The following ANKRD34B variants were observed in gnomAD, a reference collection of about 807,000 sequenced individuals.
The protein encoded by ANKRD34B is ankyrin repeat domain-containing protein 34B.
A neutral mutation model predicts 4.4 loss-of-function variants in ANKRD34B; 2 were observed. That is an observed-to-expected ratio of 0.46 (90% CI 0.19 to 1.44). The LOEUF (loss-of-function observed/expected upper bound fraction) is 1.44, where lower values mean the gene tolerates loss of function less well. Among genes scored for constraint, ANKRD34B ranks in the 40% most tolerant of loss-of-function variants. ANKRD34B has a pLI of 0.26. For missense variants in ANKRD34B, 558 were observed against 604.7 expected (o/e 0.92, Z 0.81); for synonymous variants, 226 against 227.1 (o/e 0.99, Z 0.05).
intron 1 of ANKRD34B, among the ~76,000 whole-genome samples, chr5:80,569,906 C>T (rs2112725110): frequency 6.6e-6 from 1 of 152,290 alleles, no homozygotes; most frequent in South Asian, 2.1e-4. Context: ...GGCAGAGTCT[C>T]TCGGGAGGCC....
chr5:80,559,873 G>C lies in ANKRD34B; in HGVS notation c.147C>G (p.Ile49Met). The change falls in exon 5 of 5, where the codon ATC becomes ATG. Residue 49 changes from isoleucine to methionine, a missense_variant. By Grantham distance (10) the Ile-to-Met change is conservative. Coordinates refer to ENST00000338682, the MANE Select transcript of ANKRD34B (RefSeq NM_001004441.3). Reference protein sequence around the residue: ...SNDRGETPLMIACKTKHVDHQ... With the variant: ...SNDRGETPLMMACKTKHVDHQ... ...GATCGACATGTTTGGTCTTACAAGCGATCATTAAAGGGGTTTCCCCACGGT... is the reference window on the plus strand; with the variant it reads ...GATCGACATGTTTGGTCTTACAAGCCATCATTAAAGGGGTTTCCCCACGGT... 1.2e-6 allele frequency: 2 copies of C among 1,614,204 alleles called. No homozygotes were observed. Among genetic ancestry groups the C allele is most frequent in the Non-Finnish European group, 1.7e-6 (2 of 1,180,038 alleles).
Position 80,558,579 on chromosome 5 carries a change from T to A in ANKRD34B, c.1441A>T (p.Met481Leu). The A allele has an allele frequency of 6.2e-7, 1 of 1,614,154 alleles. No individual in the cohort carries two copies. The highest frequency in any genetic ancestry group is 8.5e-7 in the Non-Finnish European group (1 of 1,179,978). The change falls in exon 5 of 5, where the codon ATG becomes TTG. Residue 481 changes from methionine (M) to leucine (L), a missense_variant. Met to Leu is a conservative substitution (Grantham distance 15). Transcript: ENST00000338682. ...SLLSCGQKVL[M>L]PTVPIFPKEF... ...TTAGGGAAAATCGGAACTGTTGGCA[T>A]AAGCACTTTTTGACCACAAGAAAGA...
In ANKRD34B at chr5:80,558,224, G is replaced by A; in HGVS notation, c.*251C>T. The A allele has an allele frequency of 3.8e-6, 1 of 264,386 alleles. No individual in the cohort carries two copies. Among genetic ancestry groups the A allele is most frequent in the Non-Finnish European group, 7.1e-6 (1 of 141,690 alleles). The allele number at this position is 264,386 out of a possible 1,614,324, so 16.4% of individuals were successfully genotyped here. ...TTTAATGACAAATTTGGACTACATG[G>A]AGATTGTTAAATATTAGAAGCATTG... On this transcript the variant is annotated 3_prime_UTR_variant, in exon 5 of 5. Coordinates refer to ENST00000338682, the MANE Select transcript of ANKRD34B (RefSeq NM_001004441.3).
rs56934964 is a variant in ANKRD34B at position 80,562,052 on chromosome 5, CGTGTGTGTGTGTGTGTGTGT to C, written c.-24+1663_-24+1682del. Among the ~76,000 whole-genome samples the C allele has an allele frequency of 1.3e-4, 17 of 128,334 alleles. 1 individual carries two copies. Among genetic ancestry groups the C allele is most frequent in the Admixed American group, 6.6e-4 (8 of 12,188 alleles). 84.2% of individuals were successfully genotyped at this position (128,334 alleles called of 152,430 possible). On this transcript the variant is annotated intron_variant, in intron 4 of 4. Transcript: ENST00000338682. ...GATGAGCCAGTAGTAACTGACTCAG[CGTGTGTGTGTGTGTGTGTGT>C]GTGTGTGTGTGTGTGTGTGTGTGTG...
At chr5:80,567,621 C>CAAAAAAAAAA (rs111603222) in intron 2 of ANKRD34B, among the ~76,000 whole-genome samples, 70 of 50,476 alleles carry the variant, frequency 1.4e-3, no homozygotes, top group African/African-American at 3.2e-3. Flanking sequence ...GACTCCGTCT[C>CAAAAAAAAAA]AAAAAAAAAA....
At position 80,558,913 on chromosome 5, in the gene ANKRD34B, G is replaced by A. The variant is rs749932205; in HGVS notation, c.1107C>T (p.Tyr369=). Residue 369 remains tyrosine (Y), a synonymous_variant, in exon 5 of 5, where the codon TAC becomes TAT. Transcript: ENST00000338682. ...VQKRNLGANH[Y]SSDSQLSAGL... is the part of the protein sequence containing the mutation. ...CAGCTGAGAGCTGGGAATCAGAGCT[G>A]TAGTGATTTGCCCCCAAGTTTCTTT... 1.9e-6 allele frequency: 3 copies of A among 1,614,162 alleles called. No homozygotes were observed. Among genetic ancestry groups the A allele is most frequent in the South Asian group, 1.1e-5 (1 of 91,088 alleles).
rs756567996 is a variant in ANKRD34B, at chr5:80,558,829, G to C, written c.1191C>G (p.Leu397=). ...GKALIGKKKI[L]SPSPSQLSES... ...CTGACAATTGGGAAGGAGATGGTGAGAGGATCTTTTTCTTTCCTATAAGTG... is the reference window on the plus strand; with the variant it reads ...CTGACAATTGGGAAGGAGATGGTGACAGGATCTTTTTCTTTCCTATAAGTG... The change falls in exon 5 of 5, where the codon CTC becomes CTG. Residue 397 remains leucine (L), a synonymous_variant. Coordinates refer to ENST00000338682, the MANE Select transcript of ANKRD34B (RefSeq NM_001004441.3). 1 of 1,614,040 alleles carries C rather than the reference G, an allele frequency of 6.2e-7. No individual in the cohort carries two copies. The highest frequency in any genetic ancestry group is 8.5e-7 in the Non-Finnish European group (1 of 1,180,006).
In ANKRD34B at chr5:80,558,592, A is replaced by T; in HGVS notation, c.1428T>A (p.Gly476=). 6.2e-7 allele frequency: 1 copy of T among 1,614,072 alleles called. No homozygotes were observed. The highest frequency in any genetic ancestry group is 8.5e-7 in the Non-Finnish European group (1 of 1,179,944). Reference sequence around the variant, plus strand: ...GAACTGTTGGCATAAGCACTTTTTGACCACAAGAAAGAAGGCTGCAAATCT... The same window carrying T: ...GAACTGTTGGCATAAGCACTTTTTGTCCACAAGAAAGAAGGCTGCAAATCT... ...NNKICSLLSC[G]QKVLMPTVPI... Residue 476 remains glycine, a synonymous_variant, in exon 5 of 5, where the codon GGT becomes GGA. Coordinates refer to ENST00000338682, the MANE Select transcript of ANKRD34B (RefSeq NM_001004441.3).
At chr5:80,568,925 C>CACACAGAGAGAGAGAGAGAGAGAG in intron 2 of ANKRD34B, 35 bp downstream of exon 2, 1 of 49,850 alleles carries the variant, frequency 2.0e-5, no homozygotes, top group African/African-American at 6.7e-5. Context: ...CACACACACA[C>CACACAGAGAGAGAGAGAGAGAGAG]AGAGAGAGAG....
intron 3 of ANKRD34B, among the ~76,000 whole-genome samples, 193 bp from the exon 4 acceptor site, chr5:80,564,008 A>G (rs1321799008): frequency 6.6e-6 from 1 of 152,188 alleles, no homozygotes; most frequent in African/African-American, 2.4e-5. Flanking sequence ...TGTTTGACCA[A>G]AAGTAGCATT....
chr5:80,559,978 C>G lies in ANKRD34B; in HGVS notation c.42G>C (p.Leu14Phe). 1 of 1,601,054 alleles carries G rather than the reference C, an allele frequency of 6.2e-7. No individual in the cohort carries two copies. ...GMEISSEGNSLIKAVHQSRLR... is the reference protein window; with the variant it reads ...GMEISSEGNSFIKAVHQSRLR... Reference sequence around the variant, plus strand: ...GCCGGCTCTGATGGACTGCTTTGATCAAGGAATTTCCTTCACTTGAAATTT... The same window carrying G: ...GCCGGCTCTGATGGACTGCTTTGATGAAGGAATTTCCTTCACTTGAAATTT... Residue 14 changes from leucine (L) to phenylalanine (F), a missense_variant, in exon 5 of 5, where the codon TTG becomes TTC. Coordinates refer to ENST00000338682, the MANE Select transcript of ANKRD34B (RefSeq NM_001004441.3).
chr5:80,561,726 T>G (rs1341208244), intron 4 of ANKRD34B, among the ~76,000 whole-genome samples: 1 of 152,142 alleles, frequency 6.6e-6, no homozygotes, highest in African/African-American at 2.4e-5. Context: ...TCTTGAAGAC[T>G]TTGTAAGAAT....
In ANKRD34B at chr5:80,559,463, G is replaced by C. The variant is rs141447711; in HGVS notation, c.557C>G (p.Pro186Arg). The change falls in exon 5 of 5, where the codon CCT becomes CGT. Residue 186 changes from proline (P) to arginine (R), a missense_variant. Coordinates refer to ENST00000338682, the MANE Select transcript of ANKRD34B (RefSeq NM_001004441.3). ...GCHSPATCTT[P>R]SEIDIKTASS... ...GGCAGTTTTGATGTCTATTTCTGAA[G>C]GAGTGGTGCAGGTAGCTGGGGAATG... 12 of 1,614,204 alleles carry C rather than the reference G, an allele frequency of 7.4e-6. No individual in the cohort carries two copies. In the African/African-American group the frequency reaches 1.5e-4, roughly 20 times the overall value.
rs34992073 is a variant in ANKRD34B, at chr5:80,564,702, C to CTTTTTTT, written c.-104-894_-104-888dup. On this transcript the variant is annotated intron_variant, in intron 3 of 4. Coordinates refer to ENST00000338682, the MANE Select transcript of ANKRD34B (RefSeq NM_001004441.3). Reference sequence around the variant, plus strand: ...TTAAAGCCACTTTGTTTGCTCACTTCTTTTTTTTTTTTTTTTTTTTGAGAT... The same window carrying CTTTTTTT: ...TTAAAGCCACTTTGTTTGCTCACTTCTTTTTTTTTTTTTTTTTTTTTTTTTTTGAGAT... Among the ~76,000 whole-genome samples the CTTTTTTT allele has an allele frequency of 1.6e-4, 18 of 111,518 alleles. 3 individuals carry two copies. Among genetic ancestry groups the CTTTTTTT allele is most frequent in the Admixed American group, 3.2e-4 (3 of 9,346 alleles). 73.2% of individuals were successfully genotyped at this position (111,518 alleles called of 152,430 possible).
At chr5:80,565,089 C>A (rs539599124) in intron 3 of ANKRD34B, among the ~76,000 whole-genome samples, 1 of 152,230 alleles carries the variant, frequency 6.6e-6, no homozygotes, top group African/African-American at 2.4e-5. Context: ...GTGTTAGATA[C>A]TTTATTCTCC....
chr5:80,569,587 CAAGT>C (rs1746692839), intron 1 of ANKRD34B, among the ~76,000 whole-genome samples: 2 of 7,654 alleles, frequency 2.6e-4, no homozygotes, highest in African/African-American at 4.6e-4. Context: ...GAGACGCGCC[CAAGT>C]CAGCCCCTCC....
chr5:80,560,306 C>T (rs1182542970), intron 4 of ANKRD34B, among the ~76,000 whole-genome samples: 1 of 152,084 alleles, frequency 6.6e-6, no homozygotes, highest in Non-Finnish European at 1.5e-5. Context: ...CTAAGTCCCA[C>T]ATTAATTAAA....
intron 4 of ANKRD34B, among the ~76,000 whole-genome samples, chr5:80,562,102 T>TGTGTGTGA (rs1201694269): frequency 7.1e-6 from 1 of 141,608 alleles, no homozygotes; most frequent in Non-Finnish European, 1.5e-5. Context: ...TGTGTGTGTG[T>TGTGTGTGA]GAAGAATACA....
At chr5:80,568,142 T>C (rs1220935955) in intron 2 of ANKRD34B, among the ~76,000 whole-genome samples, 1 of 152,216 alleles carries the variant, frequency 6.6e-6, no homozygotes, top group East Asian at 1.9e-4. Flanking sequence ...TGGGTTCTTC[T>C]TTTGTGGGCA....
Sources: allele counts gnomAD v4.1 joint callset (sites outside exome capture counted in the v4.1 genomes callset), GRCh38; gene constraint gnomAD v4.1.1; transcripts MANE v1.5; gene names NCBI Gene and HGNC (gene_info 2026-07-23, HGNC 2026-07-21).